ADCY5: variants seen among roughly 807,000 people sequenced by gnomAD.
The protein encoded by ADCY5 is adenylate cyclase type 5.
Under a neutral mutation model 119.7 loss-of-function variants are expected in ADCY5, and 30 were observed. That is an observed-to-expected ratio of 0.25 (90% confidence interval 0.19 to 0.34). ADCY5 has a LOEUF of 0.34. ADCY5 is among the 10% of genes least tolerant of loss of function. ADCY5 has a pLI of 1.00. For missense variants in ADCY5, 1,324 were observed against 1,775.2 expected, an observed-to-expected ratio of 0.75 and a Z score of 4.57; for synonymous variants, 753 against 762.2, an observed-to-expected ratio of 0.99 and a Z score of 0.20.
chr3:123,310,584 T>C (rs1357418647), intron 12 of ADCY5, among the ~76,000 whole-genome samples: 1 of 152,042 alleles, frequency 6.6e-6, no homozygotes, highest in Non-Finnish European at 1.5e-5. Flanking sequence ...GCGGACAACG[T>C]GTGATGGTGA....
chr3:123,303,121 G>A lies in ADCY5; in HGVS notation c.2658C>T (p.Val886=), dbSNP rs762705672. The change falls in exon 14 of 21, where the codon GTC becomes GTT. Residue 886 remains valine (V), a synonymous_variant. Transcript: ENST00000462833. ...VNACHVAESA[V]NYSLGDEQGF... ...CCTGCTCATCGCCCAGGCTGTAGTT[G>A]ACGGCCGACTCCGCCACGTGACACG... 2 of 1,613,876 alleles carry A rather than the reference G, an allele frequency of 1.2e-6. No individual in the cohort carries two copies. The highest frequency in any genetic ancestry group is 1.7e-6 in the Non-Finnish European group (2 of 1,180,032).
chr3:123,298,899 G>A (rs1486485649), intron 15 of ADCY5, among the ~76,000 whole-genome samples: 4 of 132,024 alleles, frequency 3.0e-5, no homozygotes, highest in South Asian at 2.4e-4. Context: ...AGCATATTAC[G>A]AATCAGGCAC....
At chr3:123,446,136 C>G (rs1272768936) in intron 1 of ADCY5, among the ~76,000 whole-genome samples, 2 of 152,098 alleles carry the variant, frequency 1.3e-5, no homozygotes, top group African/African-American at 4.8e-5. Context: ...CACAGAGCAC[C>G]CTGCAGGTTC....
intron 12 of ADCY5, among the ~76,000 whole-genome samples, chr3:123,311,023 A>G (rs970107387): frequency 1.3e-5 from 2 of 152,238 alleles, no homozygotes; most frequent in Non-Finnish European, 2.9e-5. Context: ...CAACACTCTC[A>G]TATTTCTCTC....
At chr3:123,345,047 A>C (rs1942465211) in intron 3 of ADCY5, among the ~76,000 whole-genome samples, 1 of 152,084 alleles carries the variant, frequency 6.6e-6, no homozygotes, top group Admixed American at 6.5e-5. Flanking sequence ...CATGCAGGCC[A>C]CTCTGTGATT....
chr3:123,441,449 C>A (rs1366305998), intron 1 of ADCY5, among the ~76,000 whole-genome samples: 1 of 152,162 alleles, frequency 6.6e-6, no homozygotes, highest in African/African-American at 2.4e-5. Context: ...GCTGGCTACC[C>A]TAAGAGGCAC....
intron 1 of ADCY5, among the ~76,000 whole-genome samples, chr3:123,356,848 A>ATT: frequency 6.6e-6 from 1 of 150,656 alleles, no homozygotes; most frequent in African/African-American, 2.4e-5. Flanking sequence ...ACTCTTAGGT[A>ATT]TTTTTTTTTT....
chr3:123,294,118 A>G (rs1014927221), intron 17 of ADCY5, among the ~76,000 whole-genome samples: 1 of 152,232 alleles, frequency 6.6e-6, no homozygotes, highest in African/African-American at 2.4e-5. Context: ...ACTGGATTAC[A>G]TGGGAATCTG....
At chr3:123,331,863 C>CCTGGCA (rs1485282391) in intron 4 of ADCY5, among the ~76,000 whole-genome samples, 1 of 152,170 alleles carries the variant, frequency 6.6e-6, no homozygotes, top group Non-Finnish European at 1.5e-5. Context: ...CCAGAGAAGC[C>CCTGGCA]CTGGCACTGG....
Position 123,303,159 on chromosome 3 carries a change from T to G in ADCY5, c.2620A>C (p.Ser874Arg), listed in dbSNP as rs199772395. ...GCCACGTGACACGCGTTGACCTGGC[T>G]CGCGCTGATGTTGTGCTCCTGTGCC... ...CLAQEHNISA[S>R]QVNACHVAES... Residue 874 changes from serine to arginine, a missense_variant, in exon 14 of 21, where the codon AGC (serine) becomes CGC (arginine). Around this residue, in one of 6 missense-constraint regions of ADCY5, gnomAD observed 424 missense variants for 546.8 expected, o/e 0.78. Coordinates refer to ENST00000462833, the MANE Select transcript of ADCY5 (RefSeq NM_183357.3). 404 of 1,613,758 alleles carry G rather than the reference T, an allele frequency of 2.5e-4. 1 individual carries two copies. The highest frequency in any genetic ancestry group is 3.4e-4 in the Non-Finnish European group (397 of 1,180,024).
chr3:123,311,864 A>G (rs1940605427), intron 12 of ADCY5, among the ~76,000 whole-genome samples: 1 of 152,072 alleles, frequency 6.6e-6, no homozygotes, highest in African/African-American at 2.4e-5. Flanking sequence ...CCACCCAAGG[A>G]AACAGGCCTC....
intron 1 of ADCY5, among the ~76,000 whole-genome samples, chr3:123,370,911 A>G (rs1259169102): frequency 6.6e-6 from 1 of 152,152 alleles, no homozygotes; most frequent in Non-Finnish European, 1.5e-5. Context: ...CACAAAGCCA[A>G]GGGAAGGCAG....
At chr3:123,416,685 G>A (rs1331758330) in intron 1 of ADCY5, among the ~76,000 whole-genome samples, 1 of 152,156 alleles carries the variant, frequency 6.6e-6, no homozygotes, top group East Asian at 1.9e-4. Flanking sequence ...CAGGGCTTGT[G>A]AGGGGAGGAG....
chr3:123,427,281 G>A (rs1220743062), intron 1 of ADCY5, among the ~76,000 whole-genome samples: 1 of 152,026 alleles, frequency 6.6e-6, no homozygotes, highest in African/African-American at 2.4e-5. Flanking sequence ...ATCACAGGTG[G>A]GACCATATCT....
At chr3:123,291,878 G>A (rs1939176523) in intron 17 of ADCY5, among the ~76,000 whole-genome samples, 1 of 152,196 alleles carries the variant, frequency 6.6e-6, no homozygotes, top group African/African-American at 2.4e-5. Flanking sequence ...CCAAAGCCCT[G>A]CCCAGTCTGT....
Position 123,317,051 on chromosome 3 carries a change from A to G in ADCY5, c.2354+969T>C, listed in dbSNP as rs549039692. On this transcript the variant is annotated intron_variant, in intron 11 of 20. Coordinates refer to ENST00000462833, the MANE Select transcript of ADCY5 (RefSeq NM_183357.3). Reference sequence around the variant, plus strand: ...TATATGTATGTGTGTGTGTGTGTGTATATGTATAGGTGTGTGTGCATGGGT... The same window carrying G: ...TATATGTATGTGTGTGTGTGTGTGTGTATGTATAGGTGTGTGTGCATGGGT... 3.9e-5 allele frequency among the ~76,000 whole-genome samples: 6 copies of G among 151,948 alleles called. No individual in the cohort carries two copies. In the East Asian group the frequency reaches 5.8e-4, roughly 15 times the overall value.
chr3:123,446,907 G>C (rs1945826402), intron 1 of ADCY5, among the ~76,000 whole-genome samples: 1 of 152,160 alleles, frequency 6.6e-6, no homozygotes, highest in Admixed American at 6.5e-5. Context: ...CAAATCCCCA[G>C]CCTTAGACAG....
At chr3:123,348,789 G>A (rs1021742577) in intron 2 of ADCY5, among the ~76,000 whole-genome samples, 1 of 152,104 alleles carries the variant, frequency 6.6e-6, no homozygotes, top group Non-Finnish European at 1.5e-5. Context: ...CTGCCTCCCT[G>A]CCAGGCTCCC....
Position 123,377,089 on chromosome 3 carries a change from C to T in ADCY5, c.1135-24508G>A, listed in dbSNP as rs75454429. ...CACCTGTCCACCTCCAGCTGACAAG[C>T]GCACAGCAGACAAGAGCTGGAGCTC... On this transcript the variant is annotated intron_variant, in intron 1 of 20. Coordinates refer to ENST00000462833, the MANE Select transcript of ADCY5 (RefSeq NM_183357.3). 4.0e-3 allele frequency among the ~76,000 whole-genome samples: 606 copies of T among 152,318 alleles called. 3 individuals carry two copies. The highest frequency in any genetic ancestry group is 0.014 in the African/African-American group (585 of 41,572).
Sources: gnomAD v4.1 joint callset for allele counts (sites outside exome capture counted in the v4.1 genomes callset) on GRCh38, gnomAD v4.1.1 for gene constraint, gnomAD v4.1.1 regional missense constraint, MANE v1.5 for transcripts, NCBI Gene and HGNC (gene_info 2026-07-23, HGNC 2026-07-21) for gene names.